Variants in AHCY observed in about 807,000 individuals in gnomAD.
AHCY encodes the protein S-adenosyl-L-homocysteine hydrolase.
Under a neutral mutation model 45.4 loss-of-function variants are expected in AHCY, and 24 were observed. That is an observed-to-expected ratio of 0.53 (90% CI 0.38 to 0.74). AHCY has a LOEUF of 0.74. Among genes scored for constraint, AHCY ranks in the 30% least tolerant of loss-of-function variants. The probability of loss-of-function intolerance (pLI) is 0.00; values close to 1 mark genes in which losing one functional copy is unlikely to be tolerated. For synonymous variants in AHCY, 245 were observed against 235.1 expected, an observed-to-expected ratio of 1.04 and a Z score of -0.39; for missense variants, 449 against 594.1, an observed-to-expected ratio of 0.76 and a Z score of 2.54.
At chr20:34,303,948 A>G (rs1026754794), upstream of AHCY, among the ~76,000 whole-genome samples, 2 of 152,180 alleles carry the variant, frequency 1.3e-5, no homozygotes, top group African/African-American at 4.8e-5. Context: ...GCAGTGAGCT[A>G]TCATCCCACC....
At chr20:34,253,559 G>A in the AHCY span, among the ~76,000 whole-genome samples, 3 of 151,524 alleles carry the variant, frequency 2.0e-5, no homozygotes, top group East Asian at 1.9e-4. Flanking sequence ...TGCAACCTCC[G>A]CCTCCCGGTT....
rs745484768 is a variant in AHCY, at chr20:34,292,313, C to A, written c.445+45G>T. 2.5e-6 allele frequency: 4 copies of A among 1,601,374 alleles called. No homozygotes were observed. In the Admixed American group the frequency reaches 5.1e-5, roughly 21 times the overall value. On this transcript the variant is annotated intron_variant, in intron 4 of 9. Transcript: ENST00000217426. The stretch of plus-strand genomic sequence containing the variant: ...GGCCATCATGTGGGCAAACAGGCCC[C>A]ACCCAGGCCACCAGCACCCAGCCCA...
At chr20:34,289,968 G>A (rs563554319) in intron 8 of AHCY, among the ~76,000 whole-genome samples, 9 of 152,162 alleles carry the variant, frequency 5.9e-5, no homozygotes, top group Non-Finnish European at 1.0e-4. Flanking sequence ...CCCACATGCC[G>A]TCCATCCACC....
chr20:34,288,130 T>C (rs1261347975), intron 8 of AHCY, among the ~76,000 whole-genome samples: 1 of 152,148 alleles, frequency 6.6e-6, no homozygotes, highest in Non-Finnish European at 1.5e-5. Context: ...AGCCGGGAAC[T>C]GACACCCTAG....
the AHCY span, chr20:34,268,954 G>T: frequency 6.4e-7 from 1 of 1,567,556 alleles, no homozygotes; most frequent in Non-Finnish European, 8.6e-7. Context: ...AGGGGTGGGC[G>T]TGGCCGGCTC....
the AHCY span, among the ~76,000 whole-genome samples, chr20:34,244,159 T>C: frequency 6.6e-6 from 1 of 152,232 alleles, no homozygotes; most frequent in Non-Finnish European, 1.5e-5. Flanking sequence ...CTTAGAAGTG[T>C]CCGCAGCAAT....
upstream of AHCY, among the ~76,000 whole-genome samples, chr20:34,306,827 A>G (rs1474779430): frequency 1.3e-5 from 2 of 152,230 alleles, no homozygotes; most frequent in Non-Finnish European, 2.9e-5. Flanking sequence ...ATTACATAGT[A>G]TATTATTTCA....
intron 4 of AHCY, among the ~76,000 whole-genome samples, 161 bp downstream of exon 4, chr20:34,292,197 T>G (rs2036418795): frequency 6.6e-6 from 1 of 152,198 alleles, no homozygotes; most frequent in Admixed American, 6.5e-5. Context: ...CCCTCAGAAG[T>G]CAGGAGGCCC....
the AHCY span, among the ~76,000 whole-genome samples, chr20:34,240,091 T>C: frequency 6.6e-6 from 1 of 152,090 alleles, no homozygotes; most frequent in Admixed American, 6.5e-5. Context: ...ATTAGAGAAA[T>C]GTTCTATACT....
intron 1 of AHCY, chr20:34,302,054 G>T: frequency 1.1e-6 from 1 of 921,800 alleles, no homozygotes; most frequent in Non-Finnish European, 1.3e-6. Context: ...AGGTTGGAGC[G>T]TGGTGGTGCA....
At chr20:34,250,231 T>A in the AHCY span, 2 of 152,320 alleles carry the variant, frequency 1.3e-5, no homozygotes, top group African/African-American at 4.8e-5. Context: ...CTGCCTTGAC[T>A]AGTGCCACTA....
the AHCY span, among the ~76,000 whole-genome samples, chr20:34,273,784 A>G: frequency 6.6e-6 from 1 of 152,188 alleles, no homozygotes; most frequent in Non-Finnish European, 1.5e-5. Context: ...GAAGGTGTGT[A>G]TGTTGGGAGC....
chr20:34,293,820 T>G (rs1471223902), intron 3 of AHCY: 1 of 542,624 alleles, frequency 1.8e-6, no homozygotes, highest in Non-Finnish European at 3.3e-6. Flanking sequence ...CCCCTCCGCT[T>G]CATCATGTAG....
chr20:34,308,679 A>T (rs1176879403), intron 1 of AHCY, among the ~76,000 whole-genome samples: 1 of 150,122 alleles, frequency 6.7e-6, no homozygotes, highest in Non-Finnish European at 1.5e-5. Flanking sequence ...TTTGACACAG[A>T]GAGTTGCTCT....
At chr20:34,278,264 A>G (rs1267739599), downstream of AHCY, among the ~76,000 whole-genome samples, 1 of 152,242 alleles carries the variant, frequency 6.6e-6, no homozygotes, top group African/African-American at 2.4e-5. Context: ...ACCTCCGAAC[A>G]GGAAAGGAAG....
the AHCY span, chr20:34,245,820 C>T: frequency 9.1e-6 from 7 of 767,572 alleles, no homozygotes; most frequent in Admixed American, 1.7e-4. Context: ...AGGACGAGGG[C>T]AGTCTACAGT....
chr20:34,286,601 G>C (rs1488811130), intron 8 of AHCY: 6 of 152,242 alleles, frequency 3.9e-5, no homozygotes, highest in Non-Finnish European at 8.8e-5. Context: ...GGGAGGCCAA[G>C]GCGGGGGGAA....
intron 1 of AHCY, among the ~76,000 whole-genome samples, chr20:34,310,852 G>A (rs577730872): frequency 1.4e-3 from 218 of 151,856 alleles, no homozygotes; most frequent in Non-Finnish European, 1.5e-3. Flanking sequence ...ACAGTCGGGC[G>A]TGGTGGCTCA....
At chr20:34,257,383 C>T in the AHCY span, among the ~76,000 whole-genome samples, 1 of 152,088 alleles carries the variant, frequency 6.6e-6, no homozygotes, top group Admixed American at 6.6e-5. Context: ...CCAGCCCAGC[C>T]GGGTTGAATT....
Sources: allele counts gnomAD v4.1 joint callset (sites outside exome capture counted in the v4.1 genomes callset), GRCh38; gene constraint gnomAD v4.1.1; transcripts MANE v1.5; gene names NCBI Gene and HGNC (gene_info 2026-07-23, HGNC 2026-07-21).